Variants in PLXDC2 observed in about 807,000 individuals in gnomAD.
PLXDC2 encodes plexin domain-containing protein 2.
Under a neutral mutation model 68.9 loss-of-function variants are expected in PLXDC2, and 40 were observed. That is an observed-to-expected ratio of 0.58 (90% CI 0.45 to 0.76). PLXDC2 has a LOEUF of 0.76. PLXDC2 is among the 30% of genes least tolerant of loss of function. The probability of loss-of-function intolerance (pLI) is 0.00; values close to 1 mark genes in which losing one functional copy is unlikely to be tolerated. For missense variants in PLXDC2, 644 were observed against 661.9 expected, an observed-to-expected ratio of 0.97 and a Z score of 0.30; for synonymous variants, 243 against 234.2, an observed-to-expected ratio of 1.04 and a Z score of -0.34.
intron 4 of PLXDC2, among the ~76,000 whole-genome samples, chr10:20,134,335 C>G (rs1211386461): frequency 6.6e-6 from 1 of 152,190 alleles, no homozygotes; most frequent in African/African-American, 2.4e-5. Context: ...AAGAAGTAGG[C>G]ACTTCTTTCA....
At chr10:20,165,951 T>TG (rs766407569) in intron 7 of PLXDC2, among the ~76,000 whole-genome samples, 55 of 151,796 alleles carry the variant, frequency 3.6e-4, no homozygotes, top group Non-Finnish European at 6.5e-4. Flanking sequence ...GAAGTTGGGG[T>TG]GGGGGGTGTT....
At chr10:20,243,726 G>C (rs1240759592) in intron 12 of PLXDC2, among the ~76,000 whole-genome samples, 3 of 152,090 alleles carry the variant, frequency 2.0e-5, no homozygotes, top group Non-Finnish European at 4.4e-5. Flanking sequence ...TTATAACATA[G>C]AGGCAAATGG....
chr10:19,856,379 GACAC>G (rs34129216), intron 1 of PLXDC2, among the ~76,000 whole-genome samples: 15,424 of 144,098 alleles, frequency 0.11, 901 homozygotes, highest in African/African-American at 0.16. Flanking sequence ...CACACACACA[GACAC>G]ACACACACAC....
At chr10:20,206,849 A>AACACAC (rs375925753) in intron 9 of PLXDC2, among the ~76,000 whole-genome samples, 33,753 of 149,416 alleles carry the variant, frequency 0.23, 4,847 homozygotes, top group Middle Eastern at 0.33. Context: ...TGTGCTTTGA[A>AACACAC]ACACACACAC....
At chr10:19,851,097 G>T in intron 1 of PLXDC2, among the ~76,000 whole-genome samples, 1 of 152,120 alleles carries the variant, frequency 6.6e-6, no homozygotes, top group East Asian at 1.9e-4. Flanking sequence ...ACATTGATAA[G>T]GGTAATAAAT....
intron 11 of PLXDC2, 151 bp from the exon 12 acceptor site, chr10:20,218,913 G>A: frequency 2.6e-6 from 2 of 766,998 alleles, no homozygotes; most frequent in East Asian, 3.0e-5. Context: ...GCAAGGACTT[G>A]CTCTCATTGC....
intron 4 of PLXDC2, chr10:20,071,076 C>T (rs868550260): frequency 5.3e-5 from 8 of 152,036 alleles, no homozygotes; most frequent in Admixed American, 1.3e-4. Flanking sequence ...CACACTAGCA[C>T]GCAACTTGCA....
intron 1 of PLXDC2, among the ~76,000 whole-genome samples, chr10:19,862,125 TATA>T (rs781309308): frequency 5.1e-4 from 78 of 152,340 alleles, no homozygotes; most frequent in Admixed American, 2.5e-3. Context: ...ATCAAAAGAA[TATA>T]ATAATTAAAA....
At chr10:20,023,632 A>G (rs1835350650) in intron 2 of PLXDC2, among the ~76,000 whole-genome samples, 1 of 152,106 alleles carries the variant, frequency 6.6e-6, no homozygotes, top group South Asian at 2.1e-4. Flanking sequence ...ACTTCCCAGT[A>G]TCTAGAATCA....
At chr10:19,885,304 G>T (rs1369323668) in intron 1 of PLXDC2, among the ~76,000 whole-genome samples, 4 of 150,294 alleles carry the variant, frequency 2.7e-5, no homozygotes, top group East Asian at 2.0e-4. Context: ...TTTGTAGGTT[G>T]CCTGTTCACT....
At chr10:19,826,469 T>C (rs1836572456) in intron 1 of PLXDC2, among the ~76,000 whole-genome samples, 2 of 152,216 alleles carry the variant, frequency 1.3e-5, no homozygotes, top group Non-Finnish European at 2.9e-5. Flanking sequence ...TTAGTTTTTT[T>C]GTCATACAAG....
At chr10:20,159,558 G>C (rs1181845325) in intron 6 of PLXDC2, among the ~76,000 whole-genome samples, 2 of 152,180 alleles carry the variant, frequency 1.3e-5, no homozygotes, top group Non-Finnish European at 1.5e-5. Flanking sequence ...CCAGCAGCCA[G>C]CGTGATATTT....
chr10:19,873,593 C>T (rs1466948699), intron 1 of PLXDC2, among the ~76,000 whole-genome samples: 1 of 151,916 alleles, frequency 6.6e-6, no homozygotes, highest in Non-Finnish European at 1.5e-5. Context: ...CTAGAGTTAC[C>T]ATTTCTTTAA....
chr10:20,189,932 G>A (rs1434225199), intron 9 of PLXDC2, among the ~76,000 whole-genome samples: 1 of 151,636 alleles, frequency 6.6e-6, no homozygotes, highest in African/African-American at 2.4e-5. Context: ...GGAAGAAATA[G>A]GTGCTTAAGC....
At chr10:19,966,926 C>G (rs1048684672) in intron 1 of PLXDC2, among the ~76,000 whole-genome samples, 2 of 152,182 alleles carry the variant, frequency 1.3e-5, no homozygotes, top group Admixed American at 6.5e-5. Context: ...ACAGCTGGTG[C>G]TGGGTCGCTG....
chr10:19,924,403 G>A (rs760391380), intron 1 of PLXDC2, among the ~76,000 whole-genome samples: 50 of 152,114 alleles, frequency 3.3e-4, no homozygotes, highest in African/African-American at 9.6e-4. Flanking sequence ...TATATACCCC[G>A]TGTGTTATGT....
intron 1 of PLXDC2, among the ~76,000 whole-genome samples, chr10:19,906,830 A>C (rs999404221): frequency 1.3e-5 from 2 of 152,080 alleles, no homozygotes; most frequent in South Asian, 4.1e-4. Flanking sequence ...TTTGGGCATT[A>C]TTGTTCCCCT....
chr10:20,247,037 A>G (rs1835606575), intron 13 of PLXDC2, among the ~76,000 whole-genome samples: 1 of 152,086 alleles, frequency 6.6e-6, no homozygotes, highest in African/African-American at 2.4e-5. Context: ...CTTATGTGTC[A>G]TTTCAATCTT....
intron 2 of PLXDC2, among the ~76,000 whole-genome samples, chr10:20,042,211 C>G (rs768026045): frequency 2.6e-5 from 4 of 152,284 alleles, no homozygotes; most frequent in Non-Finnish European, 4.4e-5. Context: ...TTCACTCTTT[C>G]TCTCCTGTTG....
Sources: gnomAD v4.1 joint callset for allele counts (sites outside exome capture counted in the v4.1 genomes callset) on GRCh38, gnomAD v4.1.1 for gene constraint, MANE v1.5 for transcripts, NCBI Gene and HGNC (gene_info 2026-07-23, HGNC 2026-07-21) for gene names.